The following CALN1 variants were observed in gnomAD, a reference collection of about 807,000 sequenced individuals.
CALN1 encodes the protein calneuron 1, also known as calcium-binding protein 8.
In CALN1, 17 loss-of-function variants were observed where a neutral mutation model predicts 30.6. That is an observed-to-expected ratio of 0.56 (90% CI 0.38 to 0.83). CALN1 has a LOEUF of 0.83. CALN1 is among the 40% of genes least tolerant of loss of function. The pLI is 0.00. For synonymous variants in CALN1, 156 were observed against 131.4 expected (o/e 1.19, Z -1.28); for missense variants, 291 against 354.9 (o/e 0.82, Z 1.45).
At chr7:72,317,703 AG>A (rs1279762594) in intron 2 of CALN1, among the ~76,000 whole-genome samples, 1 of 152,190 alleles carries the variant, frequency 6.6e-6, no homozygotes, top group African/African-American at 2.4e-5. Context: ...CTGAGAGGAA[AG>A]AAAGGGCTGA....
intron 2 of CALN1, among the ~76,000 whole-genome samples, chr7:72,394,519 G>A (rs1371591374): frequency 6.6e-6 from 1 of 152,106 alleles, no homozygotes. Context: ...CAGTACAATA[G>A]AAAAGGATGC....
chr7:71,789,311 G>T lies in CALN1; in HGVS notation c.659-1409C>A, dbSNP rs1306683463. 2.0e-5 allele frequency among the ~76,000 whole-genome samples: 3 copies of T among 152,138 alleles called. 1 individual carries two copies. Among genetic ancestry groups the T allele is most frequent in the African/African-American group, 7.2e-5 (3 of 41,444 alleles). On this transcript the variant is annotated intron_variant, in intron 6 of 6. Transcript: ENST00000395275. ...ACATGCCTGTAATCTCAGCTACTTGGGAGGCTGAGGTAGGAGAATCGCTTG... is the reference window on the plus strand; with the variant it reads ...ACATGCCTGTAATCTCAGCTACTTGTGAGGCTGAGGTAGGAGAATCGCTTG...
chr7:72,357,680 CAT>C (rs530866776), intron 2 of CALN1, among the ~76,000 whole-genome samples: 5 of 151,676 alleles, frequency 3.3e-5, no homozygotes, highest in Non-Finnish European at 7.4e-5. Context: ...TATGAGATAA[CAT>C]GTTTAGCCTA....
chr7:72,016,958 G>A (rs550104916), intron 5 of CALN1, among the ~76,000 whole-genome samples: 1 of 137,664 alleles, frequency 7.3e-6, no homozygotes, highest in Non-Finnish European at 1.5e-5. Context: ...CTCAAGACCA[G>A]CCTGGCCAAG....
intron 5 of CALN1, among the ~76,000 whole-genome samples, chr7:71,911,035 T>C (rs907706798): frequency 6.6e-6 from 1 of 152,210 alleles, no homozygotes; most frequent in Non-Finnish European, 1.5e-5. Flanking sequence ...GTCTGTCACC[T>C]GTCTTGCTGT....
chr7:72,002,425 C>T (rs904552961), intron 5 of CALN1, among the ~76,000 whole-genome samples: 5 of 152,016 alleles, frequency 3.3e-5, no homozygotes, highest in Admixed American at 2.6e-4. Context: ...AAAAGCAAAG[C>T]AGATATATGG....
At chr7:72,105,256 G>A (rs554805304) in intron 4 of CALN1, among the ~76,000 whole-genome samples, 34 of 152,212 alleles carry the variant, frequency 2.2e-4, no homozygotes, top group African/African-American at 7.7e-4. Flanking sequence ...TAACTACAGC[G>A]GGACAGTTAC....
intron 6 of CALN1, among the ~76,000 whole-genome samples, chr7:71,802,144 C>T (rs757942940): frequency 5.9e-5 from 9 of 152,142 alleles, no homozygotes; most frequent in Non-Finnish European, 8.8e-5. Context: ...ATCCTGGAAG[C>T]AAGCACCATC....
At chr7:72,288,616 T>C (rs556831378) in intron 2 of CALN1, among the ~76,000 whole-genome samples, 19 of 152,374 alleles carry the variant, frequency 1.2e-4, no homozygotes, top group African/African-American at 3.8e-4. Context: ...ATTTCCCCGA[T>C]AGCCTTGCCA....
At chr7:71,814,284 C>T (rs1038158671) in intron 5 of CALN1, among the ~76,000 whole-genome samples, 1 of 152,116 alleles carries the variant, frequency 6.6e-6, no homozygotes, top group African/African-American at 2.4e-5. Context: ...CACCATATGT[C>T]AAGTGTGTGT....
chr7:71,823,260 G>A (rs1306679290), intron 5 of CALN1, among the ~76,000 whole-genome samples: 3 of 151,798 alleles, frequency 2.0e-5, no homozygotes, highest in Non-Finnish European at 2.9e-5. Flanking sequence ...AGAGCTCACT[G>A]TAGCCTTGAC....
rs35330773 is a variant in CALN1 at position 72,054,544 on chromosome 7, C to CATATAT, written c.389-30781_389-30776dup. On this transcript the variant is annotated intron_variant, in intron 4 of 6. Transcript: ENST00000395275. ...ACATATATACATACATATATATATA[C>CATATAT]ATATATATATATATATAATGGAATA... 1.1e-3 allele frequency among the ~76,000 whole-genome samples: 102 copies of CATATAT among 95,058 alleles called. 5 individuals carry two copies. The highest frequency in any genetic ancestry group is 5.8e-3 in the Middle Eastern group (1 of 172). The allele number at this position is 95,058 out of a possible 152,430, so 62.4% of individuals were successfully genotyped here.
At chr7:71,899,397 C>T (rs1454854613) in intron 5 of CALN1, among the ~76,000 whole-genome samples, 1 of 152,080 alleles carries the variant, frequency 6.6e-6, no homozygotes, top group Non-Finnish European at 1.5e-5. Flanking sequence ...CCCACCTTGG[C>T]CTCCCAAAGT....
At chr7:71,910,561 G>A (rs553876436) in intron 5 of CALN1, among the ~76,000 whole-genome samples, 1 of 152,242 alleles carries the variant, frequency 6.6e-6, no homozygotes, top group East Asian at 1.9e-4. Context: ...CAAATCCACT[G>A]AAGCCATGTT....
intron 3 of CALN1, among the ~76,000 whole-genome samples, chr7:72,232,331 A>G (rs935614699): frequency 6.6e-6 from 1 of 152,266 alleles, no homozygotes; most frequent in Non-Finnish European, 1.5e-5. Flanking sequence ...GAACAACTGC[A>G]TTGTACGTGA....
intron 2 of CALN1, among the ~76,000 whole-genome samples, chr7:72,376,757 G>C (rs1235303679): frequency 6.6e-6 from 1 of 152,112 alleles, no homozygotes; most frequent in Non-Finnish European, 1.5e-5. Context: ...TGGACTTTCT[G>C]ATTCACATTT....
At chr7:72,342,906 T>C (rs1397872321) in intron 2 of CALN1, among the ~76,000 whole-genome samples, 1 of 152,154 alleles carries the variant, frequency 6.6e-6, no homozygotes, top group African/African-American at 2.4e-5. Flanking sequence ...ATTTTTCATG[T>C]CTTCCATCAA....
At chr7:72,208,215 G>A (rs2129547961) in intron 3 of CALN1, among the ~76,000 whole-genome samples, 1 of 152,192 alleles carries the variant, frequency 6.6e-6, no homozygotes, top group East Asian at 1.9e-4. Context: ...AGCTGCAAAT[G>A]TAGTTTTAAT....
Position 72,082,767 on chromosome 7 carries a change from G to C in CALN1, c.388+23384C>G, listed in dbSNP as rs375531205. Among the ~76,000 whole-genome samples the C allele has an allele frequency of 1.4e-4, 22 of 152,144 alleles. No individual in the cohort carries two copies. The East Asian group carries it at 1.5e-3, about 11-fold the overall frequency. ...CAGAACTCCTATCCAACTCAACTAC[G>C]GATTACATTGCGTGAAAGCCTGACT... On this transcript the variant is annotated intron_variant, in intron 4 of 6. Coordinates refer to ENST00000395275, the MANE Select transcript of CALN1 (RefSeq NM_031468.4).
Sources: allele counts gnomAD v4.1 joint callset (sites outside exome capture counted in the v4.1 genomes callset), GRCh38; gene constraint gnomAD v4.1.1; transcripts MANE v1.5; gene names NCBI Gene and HGNC (gene_info 2026-07-23, HGNC 2026-07-21).